Variants in MAP3K8 observed in about 807,000 individuals in gnomAD.
MAP3K8 encodes mitogen-activated protein kinase kinase kinase 8, also known as Ewing sarcoma transformant.
In MAP3K8, 22 loss-of-function variants were observed where a neutral mutation model predicts 45.8. The ratio of observed to expected loss-of-function variants is 0.48; its 90% CI spans 0.34 to 0.69. The LOEUF (loss-of-function observed/expected upper bound fraction) is 0.69. Ranked by LOEUF, MAP3K8 falls within the 30% of genes least tolerant of loss-of-function variation. The pLI, the probability that MAP3K8 is intolerant of heterozygous loss-of-function variation, is 0.01. For synonymous variants in MAP3K8, 223 were observed against 214.3 expected (o/e 1.04, Z -0.36); for missense variants, 419 against 585.0 (o/e 0.72, Z 2.93).
intron 1 of MAP3K8, 90 bp from the exon 2 acceptor site, chr10:30,437,086 T>C: frequency 1.4e-6 from 1 of 717,374 alleles, no homozygotes; most frequent in Non-Finnish European, 1.7e-6. Flanking sequence ...AGCTGCCCCC[T>C]CACTCTAGAT....
intron 6 of MAP3K8, among the ~76,000 whole-genome samples, chr10:30,453,852 G>A (rs1292622418): frequency 1.4e-5 from 2 of 146,950 alleles, no homozygotes; most frequent in African/African-American, 5.1e-5. Flanking sequence ...GAGCAATAGA[G>A]TCAGACCTCA....
intron 8 of MAP3K8, among the ~76,000 whole-genome samples, chr10:30,459,956 C>T (rs867516095): frequency 6.6e-6 from 1 of 151,998 alleles, no homozygotes; most frequent in Non-Finnish European, 1.5e-5. Context: ...GATTCTCATG[C>T]CTCAGCCTCC....
At chr10:30,440,082 G>A (rs1836049194) in intron 3 of MAP3K8, among the ~76,000 whole-genome samples, 1 of 152,212 alleles carries the variant, frequency 6.6e-6, no homozygotes, top group Non-Finnish European at 1.5e-5. Context: ...AATGGCAAGT[G>A]ATATATTTGC....
intron 6 of MAP3K8, among the ~76,000 whole-genome samples, chr10:30,456,319 G>T (rs1358691120): frequency 6.6e-6 from 1 of 152,142 alleles, no homozygotes; most frequent in Non-Finnish European, 1.5e-5. Context: ...GATATATTTA[G>T]TAGCAAAGTC....
chr10:30,438,107 T>C, intron 2 of MAP3K8, among the ~76,000 whole-genome samples: 1 of 152,254 alleles, frequency 6.6e-6, no homozygotes, highest in East Asian at 1.9e-4. Flanking sequence ...AATTTGACTT[T>C]CCTGGCTTCT....
Position 30,439,184 on chromosome 10 carries a change from G to A in MAP3K8, c.246G>A (p.Glu82=), listed in dbSNP as rs1402350933. 1 of 1,614,190 alleles carries A rather than the reference G, an allele frequency of 6.2e-7. No individual in the cohort carries two copies. The highest frequency in any genetic ancestry group is 1.1e-5 in the South Asian group (1 of 91,086). Residue 82 remains glutamate, a synonymous_variant, in exon 3 of 9, where the codon GAG becomes GAA. Transcript: ENST00000263056. ...WLSSVRYGTV[E]DLLAFANHIS... ...CATCAGTCAGATATGGAACTGTGGA[G>A]GATTTGCTTGCTTTTGCAAACCATA...
In MAP3K8 at chr10:30,437,192, G is replaced by C. The variant is rs545796875; in HGVS notation, c.-238G>C. 5.2e-5 allele frequency: 51 copies of C among 984,890 alleles called. No homozygotes were observed. Among genetic ancestry groups the C allele is most frequent in the Non-Finnish European group, 5.9e-5 (49 of 829,892 alleles). 61.0% of individuals were successfully genotyped at this position (984,890 alleles called of 1,614,324 possible). ...TTGTTTTAGATGCAATCTTCTTACCGCGAAGAAGCCAGGGGAATAGGTAGC... is the reference window on the plus strand; with the variant it reads ...TTGTTTTAGATGCAATCTTCTTACCCCGAAGAAGCCAGGGGAATAGGTAGC... On this transcript the variant is annotated 5_prime_UTR_variant, in exon 2 of 9. Coordinates refer to ENST00000263056, the MANE Select transcript of MAP3K8 (RefSeq NM_005204.4).
At chr10:30,446,273 G>A (rs8176996) in intron 3 of MAP3K8, among the ~76,000 whole-genome samples, 1 of 151,930 alleles carries the variant, frequency 6.6e-6, no homozygotes, top group African/African-American at 2.4e-5. Flanking sequence ...CGTGGCTCAC[G>A]CCTGTAATCC....
At chr10:30,438,827 C>A (rs1835997208) in intron 2 of MAP3K8, 89 bp from the exon 3 acceptor site, 1 of 697,390 alleles carries the variant, frequency 1.4e-6, no homozygotes, top group Non-Finnish European at 2.4e-6. Context: ...ATATAAAATC[C>A]TGTTGCCAAT....
intron 3 of MAP3K8, among the ~76,000 whole-genome samples, chr10:30,441,499 G>C (rs1202066076): frequency 6.6e-6 from 1 of 151,814 alleles, no homozygotes; most frequent in African/African-American, 2.4e-5. Flanking sequence ...GTAAAGGCAG[G>C]GATCTTGAAA....
chr10:30,449,257 C>CT (rs1343994499), intron 4 of MAP3K8, among the ~76,000 whole-genome samples: 2 of 151,940 alleles, frequency 1.3e-5, no homozygotes, highest in African/African-American at 4.8e-5. Flanking sequence ...GTTTGTTTTT[C>CT]TTTTTGAGAC....
rs1836349410 is a variant in MAP3K8, at chr10:30,446,613, C to T, written c.337-1169C>T. On this transcript the variant is annotated intron_variant, in intron 3 of 8. Coordinates refer to ENST00000263056, the MANE Select transcript of MAP3K8 (RefSeq NM_005204.4). ...TCAGAAGCCATAATATTACTGATTA[C>T]ATTGAGGAGAAACTGGTACTGAGGC... 2.6e-5 allele frequency among the ~76,000 whole-genome samples: 4 copies of T among 151,438 alleles called. No individual in the cohort carries two copies. In the South Asian group the frequency reaches 8.3e-4, roughly 31 times the overall value.
chr10:30,444,477 A>AAAATT (rs1224776497), intron 3 of MAP3K8, among the ~76,000 whole-genome samples: 107 of 152,242 alleles, frequency 7.0e-4, no homozygotes, highest in African/African-American at 2.4e-3. Context: ...AAAATAAAAT[A>AAAATT]AAATTAAATT....
chr10:30,460,136 C>A (rs1014943112), intron 8 of MAP3K8, among the ~76,000 whole-genome samples: 5 of 152,190 alleles, frequency 3.3e-5, no homozygotes, highest in South Asian at 2.1e-4. Context: ...AGCAACCATG[C>A]CCAGCCTAAC....
rs369828926 is a variant in MAP3K8, at chr10:30,450,248, T to C, written c.505-10T>C. On this transcript the variant is annotated splice_polypyrimidine_tract_variant and intron_variant, in intron 4 of 8. Coordinates refer to ENST00000263056, the MANE Select transcript of MAP3K8 (RefSeq NM_005204.4). Reference sequence around the variant, plus strand: ...TTATTTAGAATCTCGCTTGTATTTTTGTGTTCTAGATCCCAGTAGATCAAT... The same window carrying C: ...TTATTTAGAATCTCGCTTGTATTTTCGTGTTCTAGATCCCAGTAGATCAAT... 1.4e-4 allele frequency: 218 copies of C among 1,568,552 alleles called. No homozygotes were observed. Among genetic ancestry groups the C allele is most frequent in the Non-Finnish European group, 1.7e-4 (196 of 1,156,624 alleles).
rs1424905760 is a variant in MAP3K8 at position 30,439,080 on chromosome 10, A to G, written c.142A>G (p.Thr48Ala). The G allele has an allele frequency of 6.2e-7, 1 of 1,614,086 alleles. No homozygotes were observed. Among genetic ancestry groups the G allele is most frequent in the Non-Finnish European group, 8.5e-7 (1 of 1,180,028 alleles). The change falls in exon 3 of 9, where the codon ACC becomes GCC. Residue 48 changes from threonine (T) to alanine (A), a missense_variant. Around this residue, in one of 3 missense-constraint regions of MAP3K8, gnomAD observed 102 missense variants for 93.5 expected, o/e 1.09. Transcript: ENST00000263056. ...EPAVYEPSLM[T>A]MCQDSNQNDE... Reference sequence around the variant, plus strand: ...AGCAGTTTATGAACCCAGTCTAATGACCATGTGTCAAGACAGTAATCAAAA... The same window carrying G: ...AGCAGTTTATGAACCCAGTCTAATGGCCATGTGTCAAGACAGTAATCAAAA...
At chr10:30,451,103 A>AG (rs1836523911) in intron 5 of MAP3K8, among the ~76,000 whole-genome samples, 1 of 152,070 alleles carries the variant, frequency 6.6e-6, no homozygotes, top group Admixed American at 6.6e-5. Flanking sequence ...CAAAAAAAAA[A>AG]AAAAAAAGCA....
intron 6 of MAP3K8, among the ~76,000 whole-genome samples, chr10:30,456,017 C>T (rs928370343): frequency 4.6e-5 from 7 of 152,170 alleles, no homozygotes; most frequent in Admixed American, 3.9e-4. Context: ...GCTGCCTAGG[C>T]GTGCAGTCAC....
chr10:30,446,376 A>G (rs1192400592), intron 3 of MAP3K8, among the ~76,000 whole-genome samples: 7 of 152,066 alleles, frequency 4.6e-5, no homozygotes, highest in Non-Finnish European at 8.8e-5. Flanking sequence ...CTCTACTAAA[A>G]ATACAAAATT....
Sources: gnomAD v4.1 joint callset for allele counts (sites outside exome capture counted in the v4.1 genomes callset) on GRCh38, gnomAD v4.1.1 for gene constraint, gnomAD v4.1.1 regional missense constraint, MANE v1.5 for transcripts, NCBI Gene and HGNC (gene_info 2026-07-23, HGNC 2026-07-21) for gene names.